The following ORC3 variants were observed in gnomAD, a reference collection of about 807,000 sequenced individuals.
ORC3 encodes homolog of latheo, Drosophila.
A neutral mutation model predicts 100.7 loss-of-function variants in ORC3; 78 were observed. The ratio of observed to expected loss-of-function variants is 0.77; its 90% CI spans 0.65 to 0.94. The LOEUF is 0.94. ORC3 is among the 40% of genes least tolerant of loss of function. ORC3 has a pLI of 0.00. For missense variants in ORC3, 789 were observed against 823.9 expected (o/e 0.96, Z 0.52); for synonymous variants, 295 against 289.3 (o/e 1.02, Z -0.20).
chr6:87,644,640 G>A (rs1372079280), intron 13 of ORC3, among the ~76,000 whole-genome samples: 9 of 152,006 alleles, frequency 5.9e-5, no homozygotes, highest in Admixed American at 5.2e-4. Context: ...GGTGGAGGTT[G>A]CAGGAGTTAG....
At chr6:87,603,957 TC>T (rs1298239156) in intron 4 of ORC3, among the ~76,000 whole-genome samples, 1 of 152,224 alleles carries the variant, frequency 6.6e-6, no homozygotes, top group Admixed American at 6.5e-5. Context: ...GCATAGTTTT[TC>T]CATCTTAGAT....
intron 13 of ORC3, among the ~76,000 whole-genome samples, chr6:87,652,288 A>C (rs976785714): frequency 3.3e-5 from 5 of 152,206 alleles, no homozygotes; most frequent in African/African-American, 4.8e-5. Flanking sequence ...CTGCTTAAAA[A>C]TTCCTAATAT....
chr6:87,635,419 C>T (rs1358585347), intron 12 of ORC3, among the ~76,000 whole-genome samples: 4 of 152,190 alleles, frequency 2.6e-5, no homozygotes, highest in African/African-American at 4.8e-5. Context: ...TATCAACCAT[C>T]TGTAGAGTAG....
At chr6:87,590,656 G>A (rs896876837) in intron 1 of ORC3, among the ~76,000 whole-genome samples, 1 of 152,162 alleles carries the variant, frequency 6.6e-6, no homozygotes, top group Non-Finnish European at 1.5e-5. Flanking sequence ...ACCTAATATA[G>A]GTTGTCGGGG....
intron 16 of ORC3, among the ~76,000 whole-genome samples, chr6:87,661,554 G>T (rs189713497): frequency 5.8e-4 from 88 of 152,128 alleles, no homozygotes; most frequent in African/African-American, 2.1e-3. Context: ...TGGCCACATC[G>T]GGACAAAGCA....
chr6:87,673,478 C>A, the ORC3 span, among the ~76,000 whole-genome samples: 12 of 152,054 alleles, frequency 7.9e-5, no homozygotes, highest in Non-Finnish European at 1.8e-4. Flanking sequence ...ATAGCCACCA[C>A]GACAAAGAAT....
chr6:87,600,754 A>C lies in ORC3; in HGVS notation c.80-1030A>C, dbSNP rs28381473. 5.2e-3 allele frequency among the ~76,000 whole-genome samples: 794 copies of C among 152,266 alleles called. 5 individuals carry two copies. The highest frequency in any genetic ancestry group is 0.016 in the South Asian group (78 of 4,826). On this transcript the variant is annotated intron_variant, in intron 2 of 19. Transcript: ENST00000392844. ...CAATAAAGGAGGGTTTTTCAAACCA[A>C]ATGTCATAATTTATGTGTGAGTTAT...
chr6:87,634,726 AT>A, intron 11 of ORC3, 118 bp from the exon 12 acceptor site: 1 of 584,250 alleles, frequency 1.7e-6, no homozygotes, highest in Non-Finnish European at 2.9e-6. Context: ...TCATGAATTA[AT>A]TTGTAGTTTT....
chr6:87,596,730 T>A (rs1321697079), intron 2 of ORC3, among the ~76,000 whole-genome samples: 1 of 152,206 alleles, frequency 6.6e-6, no homozygotes, highest in Admixed American at 6.5e-5. Context: ...TGTTTAGTGA[T>A]CAAATTAAGA....
At chr6:87,597,054 T>TTATCCCA (rs1316198237) in intron 2 of ORC3, among the ~76,000 whole-genome samples, 1 of 152,202 alleles carries the variant, frequency 6.6e-6, no homozygotes, top group African/African-American at 2.4e-5. Flanking sequence ...TGAGAGTTCC[T>TTATCCCA]TATCCCAAAT....
Position 87,603,446 on chromosome 6 carries a change from A to T in ORC3, c.240A>T (p.Ser80=), listed in dbSNP as rs889119470. The T allele has an allele frequency of 1.3e-6, 2 of 1,533,238 alleles. No homozygotes were observed. The highest frequency in any genetic ancestry group is 1.8e-6 in the Non-Finnish European group (2 of 1,123,454). The allele number at this position is 1,533,238 out of a possible 1,614,324, so 95.0% of individuals were successfully genotyped here. ...ATCTGATTGAATTTCTGCAAAAATC[A>T]CATTCTGGATTCCAGAAGAATTCAA... is the stretch of plus-strand genomic sequence containing the variant. The part of the protein sequence containing the change: ...FDNLIEFLQK[S]HSGFQKNSRD... The change falls in exon 4 of 20, where the codon TCA becomes TCT. Residue 80 remains serine, a synonymous_variant. Transcript: ENST00000392844.
intron 14 of ORC3, among the ~76,000 whole-genome samples, chr6:87,656,075 C>T (rs1275418688): frequency 4.6e-5 from 7 of 152,136 alleles, no homozygotes; most frequent in Non-Finnish European, 1.0e-4. Flanking sequence ...GAGCATTATG[C>T]TCTCTAGAAG....
At chr6:87,644,070 C>A (rs1051218374) in intron 13 of ORC3, among the ~76,000 whole-genome samples, 1 of 130,028 alleles carries the variant, frequency 7.7e-6, no homozygotes, top group African/African-American at 2.9e-5. Context: ...ATACAGATGG[C>A]TGACTGTCCT....
At chr6:87,639,430 G>C (rs566298302) in intron 13 of ORC3, among the ~76,000 whole-genome samples, 15 of 152,268 alleles carry the variant, frequency 9.9e-5, no homozygotes, top group African/African-American at 2.6e-4. Flanking sequence ...ACTCTCTTGC[G>C]TGTTAGAGAG....
At chr6:87,598,654 T>C (rs1465316190) in intron 2 of ORC3, among the ~76,000 whole-genome samples, 1 of 151,692 alleles carries the variant, frequency 6.6e-6, no homozygotes, top group Non-Finnish European at 1.5e-5. Flanking sequence ...AGAAGTTTGC[T>C]AGGCTTTTTT....
Position 87,667,081 on chromosome 6 carries a change from G to A in ORC3, c.2094G>A (p.Gln698=). Residue 698 remains glutamine, a synonymous_variant, in exon 20 of 20, where the codon CAG becomes CAA. Transcript: ENST00000392844. ...ELLGFIKPTK[Q]KTDHVARLTW... is the part of the protein sequence containing the mutation. ...TAGGATTTATAAAACCTACCAAACA[G>A]AAGACTGACCATGTGGCAAGACTAA... 1 of 1,612,132 alleles carries A rather than the reference G, an allele frequency of 6.2e-7. No homozygotes were observed. The highest frequency in any genetic ancestry group is 8.5e-7 in the Non-Finnish European group (1 of 1,179,346).
At chr6:87,590,283 C>T (rs993587714) in intron 1 of ORC3, 91 bp downstream of exon 1, 1 of 1,387,776 alleles carries the variant, frequency 7.2e-7, no homozygotes, top group Non-Finnish European at 1.0e-6. Flanking sequence ...GGCATCCCTT[C>T]CCTGGCTGGA....
chr6:87,607,591 C>A, intron 5 of ORC3, 82 bp from the exon 6 acceptor site: 2 of 1,104,738 alleles, frequency 1.8e-6, no homozygotes, highest in Non-Finnish European at 2.6e-6. Context: ...AAAAGTAATA[C>A]ACTCAGCAAG....
chr6:87,597,817 G>T (rs1001436655), intron 2 of ORC3, among the ~76,000 whole-genome samples: 2 of 151,872 alleles, frequency 1.3e-5, no homozygotes, highest in African/African-American at 4.8e-5. Flanking sequence ...GCCTCCCAAA[G>T]TGCTGGGATT....
Sources: allele counts gnomAD v4.1 joint callset (sites outside exome capture counted in the v4.1 genomes callset), GRCh38; gene constraint gnomAD v4.1.1; transcripts MANE v1.5; gene names NCBI Gene and HGNC (gene_info 2026-07-23, HGNC 2026-07-21).